BCAP29: variants seen among roughly 807,000 people sequenced by gnomAD.
BCAP29 encodes B cell receptor associated protein 29, also known as B-cell receptor-associated protein 29.
A neutral mutation model predicts 31.8 loss-of-function variants in BCAP29; 34 were observed. The ratio of observed to expected loss-of-function variants is 1.07; its 90% CI spans 0.81 to 1.42. The LOEUF (loss-of-function observed/expected upper bound fraction) is 1.42. Among genes scored for constraint, BCAP29 ranks in the 40% most tolerant of loss-of-function variants. The pLI, the probability that BCAP29 is intolerant of heterozygous loss-of-function variation, is 0.00. For missense variants in BCAP29, 314 were observed against 269.2 expected, an observed-to-expected ratio of 1.17 and a Z score of -1.16; for synonymous variants, 104 against 91.3, an observed-to-expected ratio of 1.14 and a Z score of -0.79.
At chr7:107,612,418 TATATATA>T (rs1563141338) in intron 6 of BCAP29, among the ~76,000 whole-genome samples, 1 of 43,266 alleles carries the variant, frequency 2.3e-5, no homozygotes, top group African/African-American at 5.1e-5. Context: ...TATATATATA[TATATATA>T]TATATATATA....
At chr7:107,591,807 GTTTTA>G (rs1808895532) in intron 3 of BCAP29, among the ~76,000 whole-genome samples, 1 of 151,920 alleles carries the variant, frequency 6.6e-6, no homozygotes, top group Admixed American at 6.6e-5. Flanking sequence ...TCAAGTATTT[GTTTTA>G]TTTTATTTTT....
At position 107,589,119 on chromosome 7, in the gene BCAP29, T is replaced by C. The variant is rs890433316; in HGVS notation, c.194-4836T>C. ...AAAATAGACTTACCCTAAAAAAGTA[T>C]AAAAATCAAGCCTCTCTAAACAGCT... On this transcript the variant is annotated intron_variant, in intron 3 of 7. Transcript: ENST00000005259. 2.0e-5 allele frequency among the ~76,000 whole-genome samples: 3 copies of C among 152,196 alleles called. No individual in the cohort carries two copies. In the Middle Eastern group the frequency reaches 0.01, roughly 518 times the overall value.
intron 5 of BCAP29, among the ~76,000 whole-genome samples, chr7:107,598,854 T>C (rs1019479085): frequency 5.3e-5 from 8 of 149,980 alleles, no homozygotes; most frequent in Non-Finnish European, 8.9e-5. Flanking sequence ...AGAAGATTGC[T>C]TGAGGCCAGG....
chr7:107,618,042 G>A (rs1814506194), intron 7 of BCAP29, among the ~76,000 whole-genome samples: 1 of 152,136 alleles, frequency 6.6e-6, no homozygotes, highest in South Asian at 2.1e-4. Flanking sequence ...TGGGTTAACA[G>A]TAGGGGAATT....
At chr7:107,615,919 CCA>C (rs1401745034) in intron 7 of BCAP29, 1 of 152,194 alleles carries the variant, frequency 6.6e-6, no homozygotes, top group African/African-American at 2.4e-5. Flanking sequence ...AAACTGAGAC[CCA>C]GAGATGTTAT....
intron 3 of BCAP29, among the ~76,000 whole-genome samples, chr7:107,585,930 G>A (rs778844379): frequency 1.3e-5 from 2 of 152,198 alleles, no homozygotes; most frequent in African/African-American, 4.8e-5. Flanking sequence ...GGCAGAGGTT[G>A]CAGTGAGCCG....
At chr7:107,620,928 G>C (rs2129301215), downstream of BCAP29, 1 of 152,382 alleles carries the variant, frequency 6.6e-6, no homozygotes, top group East Asian at 1.9e-4. Context: ...CAGCCTGCCT[G>C]GATCTCTAAA....
intron 6 of BCAP29, chr7:107,603,267 G>A (rs981245688): frequency 1.3e-5 from 2 of 152,016 alleles, no homozygotes; most frequent in African/African-American, 2.4e-5. Context: ...ACTGCGCCCG[G>A]TCTCCTTTAT....
intron 3 of BCAP29, among the ~76,000 whole-genome samples, chr7:107,585,177 A>C (rs1807411787): frequency 6.6e-6 from 1 of 152,196 alleles, no homozygotes; most frequent in Non-Finnish European, 1.5e-5. Context: ...GTTGTTGGTT[A>C]AATAGGATTT....
intron 2 of BCAP29, among the ~76,000 whole-genome samples, chr7:107,581,772 T>C: frequency 6.6e-6 from 1 of 152,196 alleles, no homozygotes. Context: ...AACTTGCTCC[T>C]TACCTGCCTG....
At chr7:107,602,173 G>A (rs1811291345) in intron 6 of BCAP29, among the ~76,000 whole-genome samples, 1 of 151,996 alleles carries the variant, frequency 6.6e-6, no homozygotes, top group Admixed American at 6.6e-5. Flanking sequence ...TTAGTGTTCA[G>A]GTAAAGGCAG....
At chr7:107,604,746 CAT>C (rs552744994) in intron 6 of BCAP29, among the ~76,000 whole-genome samples, 8 of 145,054 alleles carry the variant, frequency 5.5e-5, no homozygotes, top group African/African-American at 1.8e-4. Flanking sequence ...AAGAAAAAAA[CAT>C]ATTATTTGTT....
At chr7:107,582,673 C>T (rs1316130446) in intron 2 of BCAP29, among the ~76,000 whole-genome samples, 1 of 152,080 alleles carries the variant, frequency 6.6e-6, no homozygotes, top group Non-Finnish European at 1.5e-5. Flanking sequence ...TGTAAAAGTA[C>T]TTAGAACCAT....
intron 7 of BCAP29, among the ~76,000 whole-genome samples, chr7:107,616,669 C>G (rs1022493311): frequency 1.3e-5 from 2 of 152,090 alleles, no homozygotes; most frequent in Non-Finnish European, 2.9e-5. Flanking sequence ...CTACCCATCC[C>G]CCACCGTTGT....
intron 5 of BCAP29, among the ~76,000 whole-genome samples, chr7:107,599,285 T>TTATATATATATTTATATATAATTTG (rs1563134175): frequency 3.5e-5 from 2 of 56,628 alleles, no homozygotes; most frequent in Non-Finnish European, 6.4e-5. Context: ...TATATAATTT[T>TTATATATATATTTATATATAATTTG]TATATATAAA....
intron 6 of BCAP29, among the ~76,000 whole-genome samples, chr7:107,609,451 G>C (rs192237662): frequency 1.3e-5 from 2 of 152,214 alleles, no homozygotes; most frequent in African/African-American, 4.8e-5. Context: ...AATGAGGACA[G>C]TGGTCACAGA....
chr7:107,592,995 C>T (rs1809154517), intron 3 of BCAP29, among the ~76,000 whole-genome samples: 1 of 152,136 alleles, frequency 6.6e-6, no homozygotes, highest in African/African-American at 2.4e-5. Context: ...AATGGTTATA[C>T]AACTTTGTGA....
At chr7:107,608,806 C>T (rs1355025824) in intron 6 of BCAP29, among the ~76,000 whole-genome samples, 1 of 152,192 alleles carries the variant, frequency 6.6e-6, no homozygotes, top group African/African-American at 2.4e-5. Context: ...TTGTATTGTT[C>T]ACCTGACATT....
At chr7:107,613,724 C>T (rs1813643658) in intron 7 of BCAP29, 4 of 1,612,346 alleles carry the variant, frequency 2.5e-6, no homozygotes, top group Non-Finnish European at 3.4e-6. Flanking sequence ...CAGACTGGTT[C>T]TAGAAAAGGT....
Sources: gnomAD v4.1 joint callset for allele counts (sites outside exome capture counted in the v4.1 genomes callset) on GRCh38, gnomAD v4.1.1 for gene constraint, MANE v1.5 for transcripts, NCBI Gene and HGNC (gene_info 2026-07-23, HGNC 2026-07-21) for gene names.